Variants in COPB1 observed in about 807,000 individuals in gnomAD.
COPB1 encodes the protein coatomer subunit beta.
COPB1 carries 21 observed loss-of-function variants against 108.7 expected under a neutral mutation model. The observed-to-expected ratio is 0.19, with a 90% confidence interval of 0.14 to 0.28. The LOEUF is 0.28. COPB1 is among the 10% of genes least tolerant of loss of function. The probability of loss-of-function intolerance (pLI) is 1.00; values close to 1 mark genes in which losing one functional copy is unlikely to be tolerated. For synonymous variants in COPB1, 378 were observed against 386.8 expected (o/e 0.98, Z 0.27); for missense variants, 919 against 1,141.3 (o/e 0.81, Z 2.81).
Position 14,494,233 on chromosome 11 carries a change from G to T in COPB1, c.298C>A (p.Leu100Ile). ...PDGRLLHEMILVCDAYRKDLQ... is the reference protein window; with the variant it reads ...PDGRLLHEMIIVCDAYRKDLQ... ...ACCTTTCTGTATGCATCACATACAA[G>T]GATCATCTCATGTAAAAGTCTCCCA... is the stretch of plus-strand genomic sequence containing the variant. Residue 100 changes from leucine to isoleucine, a missense_variant, in exon 3 of 22, where the codon CTT becomes ATT. Physicochemically the swap from Leu to Ile is conservative, Grantham distance 5. Around this residue, in one of 5 missense-constraint regions of COPB1, gnomAD observed 22 missense variants for 58.8 expected, o/e 0.37. Transcript: ENST00000439561. 1 of 1,611,892 alleles carries T rather than the reference G, an allele frequency of 6.2e-7. No homozygotes were observed. Among genetic ancestry groups the T allele is most frequent in the Non-Finnish European group, 8.5e-7 (1 of 1,178,436 alleles).
chr11:14,469,439 G>T lies in COPB1; in HGVS notation c.1862C>A (p.Ser621Tyr). The T allele has an allele frequency of 6.2e-7, 1 of 1,614,156 alleles. No individual in the cohort carries two copies. Among genetic ancestry groups the T allele is most frequent in the Non-Finnish European group, 8.5e-7 (1 of 1,180,028 alleles). The stretch of plus-strand genomic sequence containing the variant: ...GTCATTCATTAAAGGTGAACATTCA[G>T]ACAAGACCTTGAGGCACAGGGAAAT... ...DRISLCLKVLSECSPLMNDIF... is the reference protein window; with the variant it reads ...DRISLCLKVLYECSPLMNDIF... The change falls in exon 15 of 22, where the codon TCT (serine) becomes TAT (tyrosine). Residue 621 changes from serine (S) to tyrosine (Y), a missense_variant. Ser to Tyr is a moderately radical substitution (Grantham distance 144). Around this residue, in one of 5 missense-constraint regions of COPB1, gnomAD observed 705 missense variants for 817.8 expected, o/e 0.86. Transcript: ENST00000439561.
At chr11:14,459,119 C>T (rs1850088880) in intron 20 of COPB1, among the ~76,000 whole-genome samples, 1 of 152,264 alleles carries the variant, frequency 6.6e-6, no homozygotes, top group East Asian at 1.9e-4. Context: ...GTGGTGGTTA[C>T]ATAATCTTAT....
chr11:14,466,203 G>A, intron 17 of COPB1, 79 bp downstream of exon 17: 1 of 1,322,442 alleles, frequency 7.6e-7, no homozygotes. Context: ...TTTTTATACT[G>A]AAACCTGTGC....
intron 4 of COPB1, among the ~76,000 whole-genome samples, chr11:14,491,821 T>C (rs1325372097): frequency 6.6e-6 from 1 of 152,226 alleles, no homozygotes; most frequent in Non-Finnish European, 1.5e-5. Context: ...ATAACTGTTG[T>C]GCATACATTT....
intron 2 of COPB1, 123 bp from the exon 3 acceptor site, chr11:14,494,562 A>G (rs531493320): frequency 2.9e-5 from 18 of 618,738 alleles, no homozygotes; most frequent in Non-Finnish European, 2.8e-6. Flanking sequence ...AATGGTAATA[A>G]AAGTACAAAC....
At chr11:14,485,663 A>G (rs1234166594) in intron 7 of COPB1, among the ~76,000 whole-genome samples, 2 of 152,150 alleles carry the variant, frequency 1.3e-5, no homozygotes, top group Admixed American at 6.5e-5. Context: ...CCTGGCCAAC[A>G]TGGTGAAACT....
At position 14,481,073 on chromosome 11, in the gene COPB1, C is replaced by T. The variant is rs1565019550; in HGVS notation, c.982G>A (p.Val328Ile). ...ACTTCTAAGTCTGGTGTGCTCAATA[C>T]TCTTAGGATATCCATAACCAGATCC... ...LQDLVMDILR[V>I]LSTPDLEVRK... The change falls in exon 9 of 22, where the codon GTA becomes ATA. Residue 328 changes from valine to isoleucine, a missense_variant. Physicochemically the swap from Val to Ile is conservative, Grantham distance 29. Around this residue, in one of 5 missense-constraint regions of COPB1, gnomAD observed 705 missense variants for 817.8 expected, o/e 0.86. Transcript: ENST00000439561. 2 of 1,613,250 alleles carry T rather than the reference C, an allele frequency of 1.2e-6. No homozygotes were observed. The highest frequency in any genetic ancestry group is 1.7e-6 in the Non-Finnish European group (2 of 1,179,778).
Position 14,480,817 on chromosome 11 carries a change from C to A in COPB1, c.1154G>T (p.Arg385Leu), listed in dbSNP as rs368613372. Residue 385 changes from arginine (R) to leucine (L), a missense_variant, in exon 10 of 22, where the codon CGA (arginine) becomes CTA (leucine). This residue lies in a region of COPB1 where 705 missense variants were observed against 817.8 expected (regional missense o/e 0.86). Coordinates refer to ENST00000439561, the MANE Select transcript of COPB1 (RefSeq NM_001144061.2). ...TCGGACAGAACAGGAATGCAATGTTCGCACTAGGAGTTGTCTGTATTTGTC... is the reference window on the plus strand; with the variant it reads ...TCGGACAGAACAGGAATGCAATGTTAGCACTAGGAGTTGTCTGTATTTGTC... The part of the protein sequence containing the change: ...DTDKYRQLLV[R>L]TLHSCSVRFP... 1.2e-6 allele frequency: 2 copies of A among 1,613,910 alleles called. No homozygotes were observed. Among genetic ancestry groups the A allele is most frequent in the Non-Finnish European group, 8.5e-7 (1 of 1,179,950 alleles).
intron 4 of COPB1, among the ~76,000 whole-genome samples, chr11:14,491,504 T>C (rs1349533034): frequency 1.3e-5 from 2 of 152,100 alleles, no homozygotes; most frequent in Non-Finnish European, 2.9e-5. Flanking sequence ...ACTCCATCTC[T>C]ACTAAAAATA....
intron 11 of COPB1, among the ~76,000 whole-genome samples, chr11:14,478,212 C>T (rs1277703916): frequency 6.6e-6 from 1 of 151,806 alleles, no homozygotes; most frequent in Non-Finnish European, 1.5e-5. Context: ...CAAAATGTTT[C>T]CCAGTAAAGT....
chr11:14,495,679 G>A (rs961512113), intron 2 of COPB1, among the ~76,000 whole-genome samples: 1 of 152,076 alleles, frequency 6.6e-6, no homozygotes, highest in African/African-American at 2.4e-5. Flanking sequence ...TCTTCTTAAT[G>A]GCAAAAATAT....
intron 3 of COPB1, 108 bp downstream of exon 3, chr11:14,494,102 C>G: frequency 1.3e-6 from 1 of 787,798 alleles, no homozygotes; most frequent in East Asian, 2.7e-5. Context: ...ATCTCTACAA[C>G]TTACATCTTA....
At chr11:14,483,384 G>A (rs1210471966) in intron 7 of COPB1, among the ~76,000 whole-genome samples, 1 of 151,862 alleles carries the variant, frequency 6.6e-6, no homozygotes, top group Non-Finnish European at 1.5e-5. Flanking sequence ...GAAGATTAGA[G>A]GCATTACAAA....
chr11:14,458,882 C>G (rs1176240879), intron 20 of COPB1, among the ~76,000 whole-genome samples, 195 bp from the exon 21 acceptor site: 1 of 151,942 alleles, frequency 6.6e-6, no homozygotes, highest in Non-Finnish European at 1.5e-5. Flanking sequence ...ATTCTCCTGC[C>G]TCAGCCTCCC....
chr11:14,479,632 T>C lies in COPB1; in HGVS notation c.1295A>G (p.Asp432Gly). 6.2e-7 allele frequency: 1 copy of C among 1,613,312 alleles called. No homozygotes were observed. The highest frequency in any genetic ancestry group is 1.1e-5 in the South Asian group (1 of 90,978). ...EFVREAIQRF[D>G]NLRMLIVEKM... The stretch of plus-strand genomic sequence containing the variant: ...CTCAACAATAAGCATTCTCAGGTTA[T>C]CAAAGCGCTGAATGGCTTCACGAAC... The change falls in exon 11 of 22, where the codon GAT becomes GGT. Residue 432 changes from aspartate to glycine, a missense_variant. Asp to Gly is a moderately conservative substitution (Grantham distance 94). Transcript: ENST00000439561.
chr11:14,469,043 G>A (rs576942581), intron 15 of COPB1, among the ~76,000 whole-genome samples, 183 bp from the exon 16 acceptor site: 2 of 151,944 alleles, frequency 1.3e-5, no homozygotes, highest in African/African-American at 2.4e-5. Context: ...TTGCCCAGGC[G>A]GAGTGCAGTG....
Position 14,481,227 on chromosome 11 carries a change from G to A in COPB1, c.958-130C>T, listed in dbSNP as rs1850653489. 1.5e-5 allele frequency: 10 copies of A among 663,140 alleles called. No individual in the cohort carries two copies. The South Asian group carries it at 1.9e-4, about 13-fold the overall frequency. The allele number at this position is 663,140 out of a possible 1,614,324, so 41.1% of individuals were successfully genotyped here. A position where few individuals can be genotyped will look rare whatever the true frequency, so the allele number is the denominator to read the frequency against. On this transcript the variant is annotated intron_variant, in intron 8 of 21. Coordinates refer to ENST00000439561, the MANE Select transcript of COPB1 (RefSeq NM_001144061.2). ...TTAATCAATAACAAAACCACTAGTG[G>A]TGGAAGAACTAGATAGTTTGGGTCT...
chr11:14,464,845 C>T (rs1850245840), intron 18 of COPB1, 66 bp downstream of exon 18: 3 of 1,547,812 alleles, frequency 1.9e-6, no homozygotes, highest in East Asian at 2.3e-5. Context: ...ATGTCCCCAG[C>T]TACTCACTAT....
intron 10 of COPB1, 135 bp from the exon 11 acceptor site, chr11:14,479,849 G>C: frequency 2.3e-6 from 2 of 863,622 alleles, no homozygotes; most frequent in South Asian, 3.9e-5. Context: ...TGCTGCCCAG[G>C]CTAGAGAATA....
Sources: gnomAD v4.1 joint callset for allele counts (sites outside exome capture counted in the v4.1 genomes callset) on GRCh38, gnomAD v4.1.1 for gene constraint, gnomAD v4.1.1 regional missense constraint, MANE v1.5 for transcripts, NCBI Gene and HGNC (gene_info 2026-07-23, HGNC 2026-07-21) for gene names.